The following ESD variants were observed in gnomAD, a reference collection of about 807,000 sequenced individuals.
ESD encodes S-formylglutathione hydrolase.
A neutral mutation model predicts 38.1 loss-of-function variants in ESD; 34 were observed. The ratio of observed to expected loss-of-function variants is 0.89; its 90% confidence interval spans 0.68 to 1.19. The LOEUF is 1.19. Ranked by LOEUF, ESD falls within the 50% of genes most tolerant of loss-of-function variation. ESD has a pLI of 0.00. For missense variants in ESD, 334 were observed against 327.2 expected (o/e 1.02, Z -0.16); for synonymous variants, 97 against 107.0 (o/e 0.91, Z 0.58).
At chr13:46,779,860 A>G in intron 8 of ESD, 75 bp downstream of exon 8, 2 of 1,111,128 alleles carry the variant, frequency 1.8e-6, no homozygotes, top group Non-Finnish European at 1.3e-6. Context: ...CAGGGTAGGA[A>G]TATAATATAT....
intron 9 of ESD, among the ~76,000 whole-genome samples, chr13:46,772,405 C>T (rs1874638077): frequency 6.6e-6 from 1 of 152,170 alleles, no homozygotes; most frequent in South Asian, 2.1e-4. Context: ...AAAATAATTA[C>T]AATAAGGTAT....
At chr13:46,789,589 G>A (rs890702741) in intron 3 of ESD, among the ~76,000 whole-genome samples, 1 of 151,910 alleles carries the variant, frequency 6.6e-6, no homozygotes, top group East Asian at 1.9e-4. Context: ...GGGAATTCTT[G>A]AATTATTTAT....
Position 46,782,663 on chromosome 13 carries a change from T to G in ESD, c.381+4A>C, listed in dbSNP as rs1412823962. 1 of 1,610,906 alleles carries G rather than the reference T, an allele frequency of 6.2e-7. No homozygotes were observed. The highest frequency in any genetic ancestry group is 8.5e-7 in the Non-Finnish European group (1 of 1,178,244). On this transcript the variant is annotated splice_donor_region_variant and intron_variant, in intron 6 of 9. Coordinates refer to ENST00000378720, the MANE Select transcript of ESD (RefSeq NM_001984.2). ...ATTAATAATTACAATACAAATTAAATTACCTCCTCTGTGACATAAGAGTAC... is the reference window on the plus strand; with the variant it reads ...ATTAATAATTACAATACAAATTAAAGTACCTCCTCTGTGACATAAGAGTAC...
chr13:46,788,809 A>G (rs1033037048), intron 3 of ESD, among the ~76,000 whole-genome samples: 1 of 152,074 alleles, frequency 6.6e-6, no homozygotes, highest in Non-Finnish European at 1.5e-5. Flanking sequence ...GTCACTCTGC[A>G]TGTATCACTA....
In ESD at chr13:46,779,955, T is replaced by C; in HGVS notation, c.580A>G (p.Thr194Ala). ...CCTACCTTCCATTTACTTTGATCTG[T>C]TCCCAAATATCCACTAAAGGCTTTT... ...GKKAFSGYLGTDQSKWKAYDA... is the reference protein window; with the variant it reads ...GKKAFSGYLGADQSKWKAYDA... Residue 194 changes from threonine to alanine, a missense_variant, in exon 8 of 10, where the codon ACA becomes GCA. Thr to Ala is a moderately conservative substitution (Grantham distance 58). Transcript: ENST00000378720. The C allele has an allele frequency of 1.9e-6, 3 of 1,605,830 alleles. No individual in the cohort carries two copies. Among genetic ancestry groups the C allele is most frequent in the Non-Finnish European group, 2.6e-6 (3 of 1,174,438 alleles).
At chr13:46,786,319 G>A (rs1875190982) in intron 4 of ESD, among the ~76,000 whole-genome samples, 1 of 151,974 alleles carries the variant, frequency 6.6e-6, no homozygotes, top group Non-Finnish European at 1.5e-5. Flanking sequence ...TTAAATCAAA[G>A]TTACAGGAAC....
At chr13:46,783,430 G>A (rs1416395236) in intron 5 of ESD, among the ~76,000 whole-genome samples, 2 of 151,954 alleles carry the variant, frequency 1.3e-5, no homozygotes, top group African/African-American at 4.8e-5. Context: ...ACAGTAACAC[G>A]TAGAGTAATT....
intron 8 of ESD, 86 bp downstream of exon 8, chr13:46,779,849 G>T: frequency 1.1e-6 from 1 of 883,446 alleles, no homozygotes; most frequent in Non-Finnish European, 1.7e-6. Flanking sequence ...CCTAACATGA[G>T]CAGGGTAGGA....
Position 46,790,010 on chromosome 13 carries a change from T to A in ESD, c.68+1336A>T, listed in dbSNP as rs111423180. ...TTTGTACATATATATATATATATAT[T>A]TTTTTTTTTTCAGTAGAGACAGGGT... On this transcript the variant is annotated intron_variant, in intron 3 of 9. Coordinates refer to ENST00000378720, the MANE Select transcript of ESD (RefSeq NM_001984.2). Among the ~76,000 whole-genome samples the A allele has an allele frequency of 6.0e-3, 848 of 140,826 alleles. 4 individuals are homozygous for A. The highest frequency in any genetic ancestry group is 0.023 in the Middle Eastern group (6 of 260). The allele number at this position is 140,826 out of a possible 152,430, so 92.4% of individuals were successfully genotyped here.
intron 9 of ESD, chr13:46,776,204 C>G (rs1184929828): frequency 1.3e-5 from 2 of 153,358 alleles, no homozygotes; most frequent in Non-Finnish European, 2.9e-5. Context: ...AAATCTAAAA[C>G]AAAATTCTAT....
chr13:46,777,607 TGGG>T lies in ESD; in HGVS notation c.614_616del (p.Thr205_His206delinsAsn). Reference sequence around the variant, plus strand: ...AGATCCTGGATAGGATTTCACAAGGTGGGTAGCATCATAAGCCTGTAAAAAGAG... The same window carrying T: ...AGATCCTGGATAGGATTTCACAAGGTTAGCATCATAAGCCTGTAAAAAGAG... On this transcript the variant is annotated inframe_deletion, in exon 9 of 10. Coordinates refer to ENST00000378720, the MANE Select transcript of ESD (RefSeq NM_001984.2). The T allele has an allele frequency of 6.2e-7, 1 of 1,605,834 alleles. No homozygotes were observed. Among genetic ancestry groups the T allele is most frequent in the African/African-American group, 1.3e-5 (1 of 74,616 alleles).
chr13:46,774,778 A>T (rs1050771625), intron 9 of ESD, among the ~76,000 whole-genome samples: 66 of 152,316 alleles, frequency 4.3e-4, no homozygotes, highest in African/African-American at 1.6e-3. Flanking sequence ...TTCAGTGTAT[A>T]AGGAGGAAGA....
intron 9 of ESD, among the ~76,000 whole-genome samples, chr13:46,774,598 T>C (rs574725885): frequency 5.3e-5 from 8 of 152,246 alleles, no homozygotes; most frequent in African/African-American, 1.9e-4. Context: ...TCCTGGAGTA[T>C]AAAAATAAAT....
chr13:46,784,521 C>T (rs1455222605), intron 4 of ESD, among the ~76,000 whole-genome samples, 171 bp from the exon 5 acceptor site: 1 of 151,906 alleles, frequency 6.6e-6, no homozygotes, highest in African/African-American at 2.4e-5. Context: ...CCCAAACCTC[C>T]ATGTCACGCA....
intron 1 of ESD, among the ~76,000 whole-genome samples, chr13:46,794,507 T>TA (rs1221062107): frequency 2.0e-5 from 3 of 151,174 alleles, no homozygotes; most frequent in Admixed American, 6.6e-5. Flanking sequence ...TTTTTTTTTT[T>TA]AATTTTTTGT....
chr13:46,790,458 C>CCT (rs1875357310), intron 3 of ESD: 1 of 152,140 alleles, frequency 6.6e-6, no homozygotes, highest in African/African-American at 2.4e-5. Context: ...GGATATAAGA[C>CCT]TAAGTCCCCA....
At chr13:46,791,211 T>C (rs1875384471) in intron 3 of ESD, 135 bp downstream of exon 3, 1 of 628,876 alleles carries the variant, frequency 1.6e-6, no homozygotes, top group Non-Finnish European at 2.7e-6. Context: ...GTCAAATACA[T>C]AACCACAGAA....
chr13:46,777,397 GA>G (rs1874833047), intron 9 of ESD, 58 bp downstream of exon 9: 1 of 1,290,234 alleles, frequency 7.8e-7, no homozygotes, highest in African/African-American at 1.5e-5. Context: ...AAATATCACA[GA>G]ATCCTAATTT....
chr13:46,780,383 C>T (rs994269317), intron 7 of ESD, among the ~76,000 whole-genome samples: 7 of 151,714 alleles, frequency 4.6e-5, no homozygotes, highest in African/African-American at 1.7e-4. Flanking sequence ...ACAGTTCATG[C>T]TTACCTTAGT....
Sources: allele counts gnomAD v4.1 joint callset (sites outside exome capture counted in the v4.1 genomes callset), GRCh38; gene constraint gnomAD v4.1.1; transcripts MANE v1.5; gene names NCBI Gene and HGNC (gene_info 2026-07-23, HGNC 2026-07-21).